The following TMEM144 variants were observed in gnomAD, a reference collection of about 807,000 sequenced individuals.
The protein encoded by TMEM144 is transmembrane protein 144.
TMEM144 carries 39 observed loss-of-function variants against 43.6 expected under a neutral mutation model. The observed-to-expected ratio is 0.90, with a 90% CI of 0.69 to 1.17. The LOEUF (loss-of-function observed/expected upper bound fraction) is 1.17. TMEM144 is among the 50% of genes most tolerant of loss of function. TMEM144 has a pLI of 0.00. For synonymous variants in TMEM144, 154 were observed against 133.6 expected (o/e 1.15, Z -1.06); for missense variants, 417 against 411.9 (o/e 1.01, Z -0.11).
intron 6 of TMEM144, among the ~76,000 whole-genome samples, chr4:158,223,442 TA>T (rs1227345163): frequency 7.2e-5 from 11 of 152,204 alleles, no homozygotes; most frequent in South Asian, 4.1e-4. Flanking sequence ...TTTATTCATT[TA>T]TTTTTTTTAC....
intron 4 of TMEM144, 141 bp from the exon 5 acceptor site, chr4:158,217,180 T>A (rs1264692401): frequency 3.6e-6 from 2 of 559,476 alleles, no homozygotes; most frequent in African/African-American, 3.8e-5. Context: ...GTTATTTTAC[T>A]GAAAAAATAA....
intron 6 of TMEM144, among the ~76,000 whole-genome samples, chr4:158,228,614 G>A (rs559240126): frequency 4.5e-4 from 68 of 152,284 alleles, no homozygotes; most frequent in African/African-American, 1.6e-3. Context: ...GCCTACCCGG[G>A]AGCGCTCTCA....
At chr4:158,229,286 T>C (rs929895015) in intron 6 of TMEM144, among the ~76,000 whole-genome samples, 1 of 152,174 alleles carries the variant, frequency 6.6e-6, no homozygotes, top group Non-Finnish European at 1.5e-5. Flanking sequence ...GGGGGTACAC[T>C]TCAGGGCCTA....
At chr4:158,233,708 T>A (rs1735200736) in intron 7 of TMEM144, 1 of 152,336 alleles carries the variant, frequency 6.6e-6, no homozygotes, top group Non-Finnish European at 1.5e-5. Flanking sequence ...AGTGGGGTAT[T>A]GCCCCTTGGC....
intron 7 of TMEM144, chr4:158,234,926 A>T (rs1196215456): frequency 6.5e-6 from 1 of 153,182 alleles, no homozygotes; most frequent in South Asian, 2.0e-4. Context: ...GAAAGTACAG[A>T]TAAGGGAGGG....
intron 6 of TMEM144, among the ~76,000 whole-genome samples, chr4:158,228,027 C>T (rs1171306628): frequency 6.6e-6 from 1 of 152,180 alleles, no homozygotes; most frequent in Non-Finnish European, 1.5e-5. Flanking sequence ...AAGGCACACA[C>T]ACACTTTTGC....
intron 11 of TMEM144, among the ~76,000 whole-genome samples, chr4:158,242,789 T>C (rs1735693912): frequency 6.6e-6 from 1 of 152,214 alleles, no homozygotes; most frequent in Admixed American, 6.5e-5. Context: ...GAGTTCACTT[T>C]GTTTTCAAAG....
At chr4:158,215,423 CA>C in intron 4 of TMEM144, 110 bp downstream of exon 4, 1 of 1,303,250 alleles carries the variant, frequency 7.7e-7, no homozygotes, top group Non-Finnish European at 1.0e-6. Context: ...AACCCTTAGT[CA>C]TAGATACTAG....
Position 158,211,542 on chromosome 4 carries a change from C to A in TMEM144, c.-93C>A, listed in dbSNP as rs1159224404. The A allele has an allele frequency of 1.3e-5, 2 of 152,228 alleles. No individual in the cohort carries two copies. Among genetic ancestry groups the A allele is most frequent in the Non-Finnish European group, 2.9e-5 (2 of 68,038 alleles). 9.4% of individuals were successfully genotyped at this position (152,228 alleles called of 1,614,324 possible). On this transcript the variant is annotated 5_prime_UTR_variant, in exon 2 of 13. Coordinates refer to ENST00000296529, the MANE Select transcript of TMEM144 (RefSeq NM_018342.5). ...ACCTCTGTTATCTTAGCAGCAAGCA[C>A]CTGCCTCAGCTGACCCTTGAGCCAT...
At chr4:158,218,857 T>G (rs953383180) in intron 5 of TMEM144, among the ~76,000 whole-genome samples, 1 of 152,194 alleles carries the variant, frequency 6.6e-6, no homozygotes, top group Non-Finnish European at 1.5e-5. Flanking sequence ...CTGGGCACGT[T>G]GGCTAACGCC....
At chr4:158,241,445 G>A (rs1735631264) in intron 10 of TMEM144, 64 bp from the exon 11 acceptor site, 1 of 1,201,320 alleles carries the variant, frequency 8.3e-7, no homozygotes, top group Non-Finnish European at 1.2e-6. Flanking sequence ...TCCTGTTGTA[G>A]CTCAGTGTGA....
intron 6 of TMEM144, 70 bp from the exon 7 acceptor site, chr4:158,232,831 C>T: frequency 9.3e-7 from 1 of 1,069,686 alleles, no homozygotes; most frequent in Non-Finnish European, 1.4e-6. Flanking sequence ...GTGTTTTTTT[C>T]TTAAAAATCA....
intron 1 of TMEM144, 72 bp from the exon 2 acceptor site, chr4:158,211,381 G>A (rs1308795591): frequency 6.6e-6 from 1 of 152,134 alleles, no homozygotes; most frequent in Non-Finnish European, 1.5e-5. Context: ...GTTTTGTTTT[G>A]CTTTGCTTGT....
chr4:158,238,592 A>G (rs1029189016), intron 9 of TMEM144, among the ~76,000 whole-genome samples: 2 of 152,248 alleles, frequency 1.3e-5, no homozygotes, highest in African/African-American at 4.8e-5. Flanking sequence ...ACAAGGTCTC[A>G]CTAAAGAAAG....
intron 6 of TMEM144, among the ~76,000 whole-genome samples, chr4:158,223,607 C>T (rs1734610861): frequency 6.6e-6 from 1 of 152,190 alleles, no homozygotes; most frequent in Non-Finnish European, 1.5e-5. Context: ...GTTCCCCTCC[C>T]TGTGTCCACG....
chr4:158,218,593 G>GA (rs142107422), intron 5 of TMEM144, among the ~76,000 whole-genome samples: 4 of 150,826 alleles, frequency 2.7e-5, no homozygotes, highest in Admixed American at 6.6e-5. Context: ...TGTCAGGCAG[G>GA]AAAAAAAAAT....
intron 12 of TMEM144, among the ~76,000 whole-genome samples, chr4:158,245,986 T>G (rs1230289144): frequency 2.0e-5 from 3 of 151,938 alleles, no homozygotes; most frequent in African/African-American, 4.8e-5. Context: ...ATCAGAGAAC[T>G]TCTCCCCTTC....
chr4:158,216,188 C>T (rs1400975497), intron 4 of TMEM144, among the ~76,000 whole-genome samples: 1 of 152,130 alleles, frequency 6.6e-6, no homozygotes, highest in Non-Finnish European at 1.5e-5. Flanking sequence ...TCCATCCATC[C>T]TGCAGCTCTT....
At position 158,215,267 on chromosome 4, in the gene TMEM144, A is replaced by T. The variant is rs1356850969; in HGVS notation, c.186A>T (p.Pro62=). Residue 62 remains proline, a synonymous_variant, in exon 4 of 13, where the codon CCA becomes CCT. Coordinates refer to ENST00000296529, the MANE Select transcript of TMEM144 (RefSeq NM_018342.5). ...ALVVNLILHC[P]KFWPFAMLGG... is the part of the protein sequence containing the mutation. ...TTGTCAATCTGATATTACATTGTCC[A>T]AAGTTTTGGCCTTTTGCAATGCTTG... 1 of 1,613,884 alleles carries T rather than the reference A, an allele frequency of 6.2e-7. No individual in the cohort carries two copies. The highest frequency in any genetic ancestry group is 1.1e-5 in the South Asian group (1 of 91,070).
Sources: allele counts gnomAD v4.1 joint callset (sites outside exome capture counted in the v4.1 genomes callset), GRCh38; gene constraint gnomAD v4.1.1; transcripts MANE v1.5; gene names NCBI Gene and HGNC (gene_info 2026-07-23, HGNC 2026-07-21).